Variants in ESRRG observed in about 807,000 individuals in gnomAD.
The protein encoded by ESRRG is estrogen related receptor gamma.
ESRRG carries 13 observed loss-of-function variants against 44.0 expected under a neutral mutation model. That is an observed-to-expected ratio of 0.30 (90% CI 0.19 to 0.47). ESRRG has a LOEUF of 0.47. Among genes scored for constraint, ESRRG ranks in the 20% least tolerant of loss-of-function variants. The pLI, the probability that ESRRG is intolerant of heterozygous loss-of-function variation, is 1.00. For missense variants in ESRRG, 395 were observed against 580.6 expected (o/e 0.68, Z 3.29); for synonymous variants, 215 against 214.6 (o/e 1.00, Z -0.02).
intron 1 of ESRRG, among the ~76,000 whole-genome samples, chr1:216,952,239 C>T (rs533772655): frequency 1.3e-5 from 2 of 152,298 alleles, no homozygotes; most frequent in East Asian, 3.9e-4. Flanking sequence ...ATTAGACTTT[C>T]TACAACCTCT....
intron 3 of ESRRG, among the ~76,000 whole-genome samples, chr1:216,607,227 C>T (rs1355009940): frequency 6.6e-6 from 1 of 152,158 alleles, no homozygotes; most frequent in Non-Finnish European, 1.5e-5. Context: ...CCCTACACCC[C>T]CATGACCCTG....
chr1:216,926,230 C>A (rs76712889), intron 2 of ESRRG, among the ~76,000 whole-genome samples: 2 of 152,150 alleles, frequency 1.3e-5, no homozygotes, highest in Non-Finnish European at 2.9e-5. Flanking sequence ...CTGGGAAACA[C>A]CAGATCAGAT....
intron 3 of ESRRG, among the ~76,000 whole-genome samples, chr1:216,609,768 C>T (rs2060385907): frequency 6.6e-6 from 1 of 152,098 alleles, no homozygotes; most frequent in African/African-American, 2.4e-5. Context: ...ATTATTGACG[C>T]ATTAGTTAAC....
chr1:216,895,212 C>A (rs906253420), intron 2 of ESRRG, among the ~76,000 whole-genome samples: 1 of 152,166 alleles, frequency 6.6e-6, no homozygotes, highest in African/African-American at 2.4e-5. Context: ...ATACTGTTGA[C>A]AGCAAATAAG....
At chr1:216,813,117 G>C (rs1306955214) in intron 2 of ESRRG, among the ~76,000 whole-genome samples, 1 of 152,144 alleles carries the variant, frequency 6.6e-6, no homozygotes, top group African/African-American at 2.4e-5. Flanking sequence ...CAGATCTCGT[G>C]AGCTGTGATG....
intron 2 of ESRRG, among the ~76,000 whole-genome samples, chr1:216,833,914 A>G (rs1202102808): frequency 1.3e-5 from 2 of 152,172 alleles, no homozygotes; most frequent in African/African-American, 2.4e-5. Context: ...GTTATTCCCT[A>G]TGCAATGGCA....
At chr1:217,056,706 C>G (rs566410394) in intron 1 of ESRRG, among the ~76,000 whole-genome samples, 5 of 150,528 alleles carry the variant, frequency 3.3e-5, no homozygotes, top group Non-Finnish European at 7.4e-5. Flanking sequence ...TTGACTACTA[C>G]ACAAATAGAG....
chr1:216,598,489 G>A (rs534777954), intron 3 of ESRRG, among the ~76,000 whole-genome samples: 25 of 152,096 alleles, frequency 1.6e-4, no homozygotes, highest in African/African-American at 5.5e-4. Flanking sequence ...TGTAAGAAAT[G>A]AAAAAATGGA....
intron 2 of ESRRG, among the ~76,000 whole-genome samples, chr1:216,741,680 A>G (rs1003340724): frequency 1.7e-4 from 26 of 152,310 alleles, no homozygotes; most frequent in African/African-American, 6.3e-4. Context: ...GATGTTATTG[A>G]ACAGGCTGTT....
intron 3 of ESRRG, among the ~76,000 whole-genome samples, chr1:216,622,118 A>C (rs1464680197): frequency 2.0e-5 from 3 of 152,186 alleles, no homozygotes; most frequent in Non-Finnish European, 4.4e-5. Context: ...CTTAGCTCCA[A>C]ATTCTGCCTT....
intron 1 of ESRRG, among the ~76,000 whole-genome samples, chr1:217,100,528 G>A (rs916954920): frequency 6.6e-6 from 1 of 152,214 alleles, no homozygotes; most frequent in African/African-American, 2.4e-5. Flanking sequence ...GAGCCAGTTA[G>A]TTGTATTAGC....
intron 1 of ESRRG, among the ~76,000 whole-genome samples, chr1:216,719,775 T>G (rs2152053687): frequency 6.6e-6 from 1 of 152,030 alleles, no homozygotes; most frequent in East Asian, 1.9e-4. Flanking sequence ...AGGGCTTTGC[T>G]AATAACATGG....
intron 2 of ESRRG, among the ~76,000 whole-genome samples, chr1:216,926,968 T>A (rs1200530692): frequency 6.6e-6 from 1 of 152,192 alleles, no homozygotes; most frequent in Non-Finnish European, 1.5e-5. Flanking sequence ...TCATGGACAC[T>A]CTGTCTCACT....
intron 2 of ESRRG, among the ~76,000 whole-genome samples, chr1:216,816,947 TTC>T (rs2095157104): frequency 6.6e-6 from 1 of 152,114 alleles, no homozygotes; most frequent in Non-Finnish European, 1.5e-5. Flanking sequence ...TAACCAGATA[TTC>T]TCATTAGAAA....
rs544208343 is a variant in ESRRG, at chr1:216,764,364, G to A, written c.-13-86873C>T. ...AGCTCACTGCAACCTCTGCCTCCCAGGTTCAAGCGATTCTCCTGCCTCACC... is the reference window on the plus strand; with the variant it reads ...AGCTCACTGCAACCTCTGCCTCCCAAGTTCAAGCGATTCTCCTGCCTCACC... On this transcript the variant is annotated intron_variant, in intron 2 of 7. Coordinates refer to the ESRRG transcript ENST00000359162. Among the ~76,000 whole-genome samples the A allele has an allele frequency of 1.4e-3, 213 of 151,894 alleles. 1 individual carries two copies. Among genetic ancestry groups the A allele is most frequent in the African/African-American group, 5.0e-3 (206 of 41,428 alleles).
At chr1:217,094,552 G>A (rs777738541), upstream of ESRRG, among the ~76,000 whole-genome samples, 3 of 152,160 alleles carry the variant, frequency 2.0e-5, no homozygotes, top group Non-Finnish European at 4.4e-5. Context: ...ATGAAGTAGT[G>A]GAAATGAGAC....
chr1:216,746,009 T>A (rs1934153), intron 2 of ESRRG, among the ~76,000 whole-genome samples: 148,219 of 152,312 alleles, frequency 0.97, 72,222 homozygotes, highest in Middle Eastern at 1. Flanking sequence ...TGTCTTAAGC[T>A]TTGTTCTGAG....
chr1:216,772,061 A>G (rs1457725741), intron 2 of ESRRG, among the ~76,000 whole-genome samples: 2 of 151,944 alleles, frequency 1.3e-5, no homozygotes, highest in Non-Finnish European at 2.9e-5. Context: ...AGCTTCACAC[A>G]CTCAAATACC....
intron 1 of ESRRG, among the ~76,000 whole-genome samples, chr1:217,088,542 A>T (rs2092236639): frequency 6.6e-6 from 1 of 151,620 alleles, no homozygotes; most frequent in Non-Finnish European, 1.5e-5. Flanking sequence ...CTGGTACTAC[A>T]ACACAAACAT....
Sources: allele counts gnomAD v4.1 joint callset (sites outside exome capture counted in the v4.1 genomes callset), GRCh38; gene constraint gnomAD v4.1.1; transcripts MANE v1.5; gene names NCBI Gene and HGNC (gene_info 2026-07-23, HGNC 2026-07-21).